AFF3: variants seen among roughly 807,000 people sequenced by gnomAD.
The protein encoded by AFF3 is ALF transcription elongation factor 3.
AFF3 carries 32 observed loss-of-function variants against 129.7 expected under a neutral mutation model. The observed-to-expected ratio is 0.25, with a 90% confidence interval of 0.19 to 0.33. The LOEUF is 0.33. Ranked by LOEUF, AFF3 falls within the 10% of genes least tolerant of loss-of-function variation. The pLI, the probability that AFF3 is intolerant of heterozygous loss-of-function variation, is 1.00. For missense variants in AFF3, 1,373 were observed against 1,592.0 expected (o/e 0.86, Z 2.34); for synonymous variants, 644 against 635.4 (o/e 1.01, Z -0.20).
intron 2 of AFF3, among the ~76,000 whole-genome samples, chr2:100,123,669 A>G (rs889180187): frequency 6.6e-6 from 1 of 152,194 alleles, no homozygotes; most frequent in Non-Finnish European, 1.5e-5. Context: ...CCAGGAGAGC[A>G]TAGCTCATCA....
intron 13 of AFF3, among the ~76,000 whole-genome samples, chr2:99,643,082 CAG>C (rs1367756389): frequency 4.1e-5 from 4 of 98,694 alleles, no homozygotes; most frequent in African/African-American, 8.1e-5. Flanking sequence ...TTTTTTGAGA[CAG>C]AGTCTCGCTC....
intron 7 of AFF3, among the ~76,000 whole-genome samples, chr2:99,959,182 C>A (rs1247104229): frequency 6.6e-6 from 1 of 151,876 alleles, no homozygotes; most frequent in Non-Finnish European, 1.5e-5. Context: ...AAGGAGGTAG[C>A]AATTTAATCA....
intron 7 of AFF3, among the ~76,000 whole-genome samples, chr2:99,942,053 C>A (rs1675095247): frequency 6.6e-6 from 1 of 152,206 alleles, no homozygotes; most frequent in Non-Finnish European, 1.5e-5. Flanking sequence ...ATCAACCAAT[C>A]AATCATTGAA....
At chr2:99,724,271 C>CTTTCTTTTTTTTTTTTTT (rs1411290883) in intron 11 of AFF3, among the ~76,000 whole-genome samples, 4 of 66,862 alleles carry the variant, frequency 6.0e-5, no homozygotes, top group Admixed American at 2.5e-4. Context: ...AATGACCTTT[C>CTTTCTTTTTTTTTTTTTT]TTTTTTTTTT....
In AFF3 at chr2:99,837,514, G is replaced by C. The variant is rs751793098; in HGVS notation, c.884C>G (p.Ser295Cys). ...TTCAACACAGCTGTTGGTTTCTCCA[G>C]ATCTACTCTCCTGAAAGCAAAGAAA... is the stretch of plus-strand genomic sequence containing the variant. ...SIPKQGEESR[S>C]GETNSCVEEI... Residue 295 changes from serine (S) to cysteine (C), a missense_variant, in exon 8 of 25, where the codon TCT becomes TGT. Physicochemically the swap from Ser to Cys is moderately radical, Grantham distance 112. This residue lies in a region of AFF3 where 413 missense variants were observed against 424.4 expected (regional missense o/e 0.97). Transcript: ENST00000672756. 7 of 1,613,488 alleles carry C rather than the reference G, an allele frequency of 4.3e-6. 1 individual carries two copies. Among genetic ancestry groups the C allele is most frequent in the Admixed American group, 3.3e-5 (2 of 59,988 alleles).
At chr2:100,138,944 C>CAA (rs34526914) in intron 1 of AFF3, among the ~76,000 whole-genome samples, 49,586 of 119,948 alleles carry the variant, frequency 0.41, 11,033 homozygotes, top group East Asian at 0.57. Flanking sequence ...GACTCTGTCT[C>CAA]AAAAAAAAAA....
chr2:99,863,361 A>G (rs1177678148), intron 7 of AFF3, among the ~76,000 whole-genome samples: 1 of 152,196 alleles, frequency 6.6e-6, no homozygotes, highest in African/African-American at 2.4e-5. Context: ...AAGTCAGATG[A>G]TGACTGATTT....
At chr2:99,995,989 T>G (rs1680802661) in intron 7 of AFF3, among the ~76,000 whole-genome samples, 1 of 152,348 alleles carries the variant, frequency 6.6e-6, no homozygotes, top group Non-Finnish European at 1.5e-5. Context: ...ATTGGATGTC[T>G]AAGAATTTTT....
chr2:99,828,441 A>C (rs1056327644), intron 8 of AFF3, among the ~76,000 whole-genome samples: 2 of 152,180 alleles, frequency 1.3e-5, no homozygotes, highest in Non-Finnish European at 2.9e-5. Flanking sequence ...GCTGGAGAGA[A>C]GCAGCCTGGA....
chr2:99,806,917 T>C (rs746725277), intron 8 of AFF3, among the ~76,000 whole-genome samples: 4 of 152,198 alleles, frequency 2.6e-5, no homozygotes, highest in African/African-American at 7.2e-5. Flanking sequence ...GAAAGAGACA[T>C]ACTCCTGGAA....
chr2:99,804,470 CT>C (rs1686187844), intron 8 of AFF3, among the ~76,000 whole-genome samples: 2 of 152,148 alleles, frequency 1.3e-5, no homozygotes, highest in African/African-American at 4.8e-5. Flanking sequence ...AAAGAGAAGA[CT>C]TATACACTGC....
At chr2:99,834,304 T>G (rs566785698) in intron 8 of AFF3, among the ~76,000 whole-genome samples, 124 of 152,330 alleles carry the variant, frequency 8.1e-4, no homozygotes, top group African/African-American at 2.9e-3. Flanking sequence ...GTTTAACTTC[T>G]CTTCACTTCA....
At chr2:99,745,641 A>G (rs1681095554) in intron 9 of AFF3, among the ~76,000 whole-genome samples, 1 of 152,118 alleles carries the variant, frequency 6.6e-6, no homozygotes, top group Non-Finnish European at 1.5e-5. Context: ...CAATCATCCC[A>G]CCAGTAACAC....
chr2:99,955,003 T>A (rs1182986273), intron 7 of AFF3, among the ~76,000 whole-genome samples: 1 of 151,600 alleles, frequency 6.6e-6, no homozygotes, highest in Non-Finnish European at 1.5e-5. Flanking sequence ...GAGTGGAGAA[T>A]AAGAAAGCTG....
In AFF3 at chr2:99,621,725, G is replaced by C. The variant is rs531760158; in HGVS notation, c.1185-20104C>G. On this transcript the variant is annotated intron_variant, in intron 13 of 24. Coordinates refer to ENST00000672756, the MANE Select transcript of AFF3 (RefSeq NM_001386135.1). Reference sequence around the variant, plus strand: ...CCTAATTCTTAGTTCTAAGACTTGAGAGGCCAGGGGGAAGAACGAGGAGTA... The same window carrying C: ...CCTAATTCTTAGTTCTAAGACTTGACAGGCCAGGGGGAAGAACGAGGAGTA... Among the ~76,000 whole-genome samples, 4 of 152,350 alleles carry C rather than the reference G, an allele frequency of 2.6e-5. No individual in the cohort carries two copies. The South Asian group carries it at 8.3e-4, about 32-fold the overall frequency.
chr2:99,624,347 G>A (rs556900946), intron 13 of AFF3, among the ~76,000 whole-genome samples: 1 of 152,154 alleles, frequency 6.6e-6, no homozygotes. Context: ...GGAGTCCCAT[G>A]TAATTAAAAT....
chr2:100,078,926 T>G (rs1303056710), intron 4 of AFF3, among the ~76,000 whole-genome samples: 1 of 151,054 alleles, frequency 6.6e-6, no homozygotes, highest in Non-Finnish European at 1.5e-5. Flanking sequence ...TTATTGGGGC[T>G]CCTTTGCTGA....
chr2:99,810,256 A>G (rs1425274335), intron 8 of AFF3, among the ~76,000 whole-genome samples: 1 of 152,194 alleles, frequency 6.6e-6, no homozygotes, highest in East Asian at 1.9e-4. Context: ...ATTATAGGCA[A>G]AGACAACTTG....
chr2:99,914,797 G>A (rs891680831), intron 7 of AFF3, among the ~76,000 whole-genome samples: 1 of 152,006 alleles, frequency 6.6e-6, no homozygotes, highest in Non-Finnish European at 1.5e-5. Context: ...GCACACGTGT[G>A]TAATCCCAGC....
Sources: allele counts gnomAD v4.1 joint callset (sites outside exome capture counted in the v4.1 genomes callset), GRCh38; gene constraint gnomAD v4.1.1; regional missense constraint gnomAD v4.1.1; transcripts MANE v1.5; gene names NCBI Gene and HGNC (gene_info 2026-07-23, HGNC 2026-07-21).